The following CELA2A variants were observed in gnomAD, a reference collection of about 807,000 sequenced individuals.
CELA2A encodes the protein chymotrypsin like elastase 2A.
A neutral mutation model predicts 35.3 loss-of-function variants in CELA2A; 31 were observed. The ratio of observed to expected loss-of-function variants is 0.88; its 90% CI spans 0.66 to 1.19. CELA2A has a LOEUF of 1.19. Ranked by LOEUF, CELA2A falls within the 50% of genes most tolerant of loss-of-function variation. CELA2A has a pLI of 0.00. For missense variants in CELA2A, 330 were observed against 352.9 expected (o/e 0.94, Z 0.52); for synonymous variants, 150 against 149.8 (o/e 1.00, Z -0.01).
intron 7 of CELA2A, among the ~76,000 whole-genome samples, chr1:15,469,279 T>C (rs1467481672): frequency 2.0e-5 from 3 of 152,162 alleles, no homozygotes; most frequent in Non-Finnish European, 2.9e-5. Flanking sequence ...TCGGACACTC[T>C]GTGCCAATGA....
At chr1:15,466,247 G>C in intron 6 of CELA2A, 103 bp downstream of exon 6, 1 of 1,319,792 alleles carries the variant, frequency 7.6e-7, no homozygotes, top group South Asian at 1.3e-5. Context: ...CCTCCTGGCA[G>C]AATTACCCCG....
chr1:15,463,817 ATCCC>A (rs1708474296), intron 5 of CELA2A, among the ~76,000 whole-genome samples: 2 of 152,056 alleles, frequency 1.3e-5, no homozygotes, highest in Non-Finnish European at 2.9e-5. Flanking sequence ...TGGGAGGCCC[ATCCC>A]GCGGATCACT....
chr1:15,463,464 C>T lies in CELA2A; in HGVS notation c.435C>T (p.Ala145=), dbSNP rs202055086. The change falls in exon 5 of 8, where the codon GCC becomes GCT. Residue 145 remains alanine, a synonymous_variant. Coordinates refer to ENST00000359621, the MANE Select transcript of CELA2A (RefSeq NM_033440.3). The stretch of plus-strand genomic sequence containing the variant: ...TCCAGCTGGCCTGCCTCCCTCCTGC[C>T]GGCACCATTCTACCCAACAACTACC... ...DKIQLACLPP[A]GTILPNNYPC... is the part of the protein sequence containing the mutation. 204 of 1,614,058 alleles carry T rather than the reference C, an allele frequency of 1.3e-4. 2 individuals carry two copies. The highest frequency in any genetic ancestry group is 8.9e-5 in the East Asian group (4 of 44,876).
At chr1:15,457,676 C>T (rs960362578) in intron 2 of CELA2A, 1 of 156,930 alleles carries the variant, frequency 6.4e-6, no homozygotes, top group Non-Finnish European at 1.4e-5. Context: ...AGAGGTGCCT[C>T]CTCCAGCTGC....
At chr1:15,465,859 G>A in intron 5 of CELA2A, 140 bp from the exon 6 acceptor site, 1 of 972,982 alleles carries the variant, frequency 1.0e-6, no homozygotes, top group South Asian at 1.5e-5. Context: ...CAACCGTGAG[G>A]ACACAGTATA....
intron 2 of CELA2A, among the ~76,000 whole-genome samples, chr1:15,460,187 C>A (rs553308412): frequency 6.6e-6 from 1 of 151,928 alleles, no homozygotes; most frequent in Non-Finnish European, 1.5e-5. Flanking sequence ...GCCCGGGGGG[C>A]GAATGAGGAT....
At chr1:15,461,891 AG>A in intron 3 of CELA2A, 1 of 689,326 alleles carries the variant, frequency 1.5e-6, no homozygotes, top group East Asian at 2.8e-5. Context: ...GATGAAGAGG[AG>A]GGGAAGGCCC....
intron 7 of CELA2A, among the ~76,000 whole-genome samples, chr1:15,468,881 A>G (rs1266660246): frequency 6.6e-6 from 1 of 151,592 alleles, no homozygotes; most frequent in Non-Finnish European, 1.5e-5. Context: ...AGAACAGGAA[A>G]CCCCGTCACA....
At chr1:15,461,443 A>T (rs1307117516) in intron 2 of CELA2A, 118 bp from the exon 3 acceptor site, 5 of 1,011,936 alleles carry the variant, frequency 4.9e-6, no homozygotes, top group Non-Finnish European at 7.5e-6. Flanking sequence ...AGTTGTGCAC[A>T]TGAGGCGACT....
chr1:15,456,865 C>T (rs1375033635), intron 1 of CELA2A, 72 bp downstream of exon 1: 3 of 1,582,686 alleles, frequency 1.9e-6, no homozygotes, highest in Middle Eastern at 3.5e-4. Flanking sequence ...TTCCTGTCCT[C>T]CCCTCTCGCC....
intron 2 of CELA2A, among the ~76,000 whole-genome samples, chr1:15,459,277 C>T (rs1347732922): frequency 6.6e-6 from 1 of 152,018 alleles, no homozygotes; most frequent in Non-Finnish European, 1.5e-5. Flanking sequence ...ATCCTCCCAC[C>T]TCAGCCTCCC....
chr1:15,460,849 C>T (rs1242114556), intron 2 of CELA2A, among the ~76,000 whole-genome samples: 2 of 120,382 alleles, frequency 1.7e-5, no homozygotes, highest in African/African-American at 6.3e-5. Flanking sequence ...TCATTTTGGG[C>T]TATTTTTGTT....
intron 5 of CELA2A, among the ~76,000 whole-genome samples, chr1:15,465,368 C>G (rs1285790885): frequency 6.6e-6 from 1 of 152,042 alleles, no homozygotes; most frequent in African/African-American, 2.4e-5. Flanking sequence ...CTCATCCTTG[C>G]CACTCATAGC....
intron 4 of CELA2A, 184 bp downstream of exon 4, chr1:15,463,045 G>C (rs3815790): frequency 1.3e-5 from 13 of 1,002,790 alleles, no homozygotes; most frequent in Middle Eastern, 6.5e-4. Flanking sequence ...TGTGACCTGG[G>C]GAGGGTGAAG....
chr1:15,471,440 C>A (rs774789786), intron 7 of CELA2A, among the ~76,000 whole-genome samples: 5 of 151,964 alleles, frequency 3.3e-5, no homozygotes, highest in East Asian at 1.9e-4. Context: ...CTCAGCTACC[C>A]GGGAGGCTGA....
intron 7 of CELA2A, among the ~76,000 whole-genome samples, chr1:15,469,774 C>G: frequency 6.6e-6 from 1 of 152,132 alleles, no homozygotes; most frequent in Non-Finnish European, 1.5e-5. Context: ...GAGGCGCCAC[C>G]CACATGTCAA....
intron 1 of CELA2A, 49 bp downstream of exon 1, chr1:15,456,842 T>G (rs1268125823): frequency 6.2e-7 from 1 of 1,611,962 alleles, no homozygotes; most frequent in Admixed American, 1.7e-5. Context: ...CTGGTGGGGC[T>G]GGAAATGGGA....
chr1:15,469,138 A>G (rs1388968537), intron 7 of CELA2A, among the ~76,000 whole-genome samples: 3 of 151,932 alleles, frequency 2.0e-5, no homozygotes, highest in African/African-American at 4.8e-5. Context: ...AGTTCGCACC[A>G]CTGCACTCCA....
At chr1:15,467,255 C>G in intron 6 of CELA2A, 131 bp from the exon 7 acceptor site, 2 of 890,176 alleles carry the variant, frequency 2.2e-6, no homozygotes, top group Non-Finnish European at 3.5e-6. Context: ...CCACCTTGGG[C>G]TATGACCACA....
Sources: gnomAD v4.1 joint callset for allele counts (sites outside exome capture counted in the v4.1 genomes callset) on GRCh38, gnomAD v4.1.1 for gene constraint, MANE v1.5 for transcripts, NCBI Gene and HGNC (gene_info 2026-07-23, HGNC 2026-07-21) for gene names.